Variants in TTN observed in about 807,000 individuals in gnomAD.
The protein encoded by TTN is connectin.
A neutral mutation model predicts 3,223.0 loss-of-function variants in TTN; 1,525 were observed. The observed-to-expected ratio is 0.47, with a 90% confidence interval of 0.45 to 0.49. TTN has a LOEUF of 0.49. TTN is among the 20% of genes least tolerant of loss of function. The probability of loss-of-function intolerance (pLI) is 0.00; values close to 1 mark genes in which losing one functional copy is unlikely to be tolerated. For missense variants in TTN, 40,786 were observed against 43,424.0 expected (o/e 0.94, Z 5.40); for synonymous variants, 14,094 against 15,161.0 (o/e 0.93, Z 5.17).
At position 178,776,439 on chromosome 2, in the gene TTN, C is replaced by T; in HGVS notation, c.5425G>A (p.Gly1809Arg). ...SLVEESQLPE[G>R]RKGLQRIEEL... Reference sequence around the variant, plus strand: ...TCAATTCTCTGTAAGCCTTTCCTCCCCTCAGGCAATTGGGATTCTTCCACA... The same window carrying T: ...TCAATTCTCTGTAAGCCTTTCCTCCTCTCAGGCAATTGGGATTCTTCCACA... Residue 1809 changes from glycine (G) to arginine (R), a missense_variant, in exon 28 of 363, where the codon GGG (glycine) becomes AGG (arginine). Gly to Arg is a moderately radical substitution (Grantham distance 125). Coordinates refer to ENST00000589042, the MANE Select transcript of TTN (RefSeq NM_001267550.2). The T allele has an allele frequency of 6.2e-7, 1 of 1,609,634 alleles. No individual in the cohort carries two copies. Among genetic ancestry groups the T allele is most frequent in the Non-Finnish European group, 8.5e-7 (1 of 1,179,980 alleles).
Position 178,560,162 on chromosome 2 carries a change from T to G in TTN, c.85970A>C (p.Lys28657Thr), listed in dbSNP as rs1423891310. The change falls in exon 326 of 363, where the codon AAA becomes ACA. Residue 28657 changes from lysine to threonine, a missense_variant. Physicochemically the swap from Lys to Thr is moderately conservative, Grantham distance 78. Transcript: ENST00000589042. ...DPVFLPSPPS[K>T]PKIVDSGKTT... ...CTTGCCTGAGTCCACAATTTTGGGT[T>G]TGGATGGAGGAGATGGTAGGAACAC... 16 of 1,613,632 alleles carry G rather than the reference T, an allele frequency of 9.9e-6. No individual in the cohort carries two copies. Among genetic ancestry groups the G allele is most frequent in the Non-Finnish European group, 1.4e-5 (16 of 1,179,694 alleles).
Position 178,793,403 on chromosome 2 carries a change from C to G in TTN, c.1536+1G>C. On this transcript the variant is annotated splice_donor_variant, in intron 9 of 362. Transcript: ENST00000589042. LOFTEE classifies it high-confidence loss of function. Reference sequence around the variant, plus strand: ...AATTTAAAATACAAACCCATTTTCACCTGCTCATGAGTTACGTGCATCTGC... The same window carrying G: ...AATTTAAAATACAAACCCATTTTCAGCTGCTCATGAGTTACGTGCATCTGC... 1 of 1,614,022 alleles carries G rather than the reference C, an allele frequency of 6.2e-7. No individual in the cohort carries two copies. The highest frequency in any genetic ancestry group is 8.5e-7 in the Non-Finnish European group (1 of 1,179,942).
In TTN at chr2:178,543,959, T is replaced by C; in HGVS notation, c.96185A>G (p.Asp32062Gly). ...GIDLASRAII[D>G]TTESYSLLIV... ...TAGCAATGAGTAGCTCTCAGTGGTG[T>C]CAATAATTGCCCGGCTTGCAAGGTC... The change falls in exon 346 of 363, where the codon GAC (aspartate) becomes GGC (glycine). Residue 32062 changes from aspartate to glycine, a missense_variant. Transcript: ENST00000589042. 6.2e-7 allele frequency: 1 copy of C among 1,613,724 alleles called. No homozygotes were observed. The highest frequency in any genetic ancestry group is 8.5e-7 in the Non-Finnish European group (1 of 1,179,720).
At chr2:178,745,553 T>TA in intron 47 of TTN, 1 of 1,610,636 alleles carries the variant, frequency 6.2e-7, no homozygotes, top group African/African-American at 1.3e-5. Flanking sequence ...AGATCAATGC[T>TA]AATAATTACT....
chr2:178,723,791 A>C, intron 73 of TTN, 65 bp downstream of exon 73: 1 of 1,538,402 alleles, frequency 6.5e-7, no homozygotes, highest in Non-Finnish European at 8.7e-7. Flanking sequence ...AATGTTTGTC[A>C]ACATAGATGT....
chr2:178,641,847 C>T (rs778995733), intron 219 of TTN, among the ~76,000 whole-genome samples: 9 of 151,642 alleles, frequency 5.9e-5, no homozygotes, highest in Admixed American at 5.3e-4. Context: ...TTGTGGTGAT[C>T]CTGTGTCACA....
Position 178,562,541 on chromosome 2 carries a change from G to A in TTN, c.83591C>T (p.Pro27864Leu), listed in dbSNP as rs1205644458. 2 of 1,610,212 alleles carry A rather than the reference G, an allele frequency of 1.2e-6. No individual in the cohort carries two copies. The highest frequency in any genetic ancestry group is 1.7e-6 in the Non-Finnish European group (2 of 1,178,610). ...TTEPVKVSEPPLPPGRVTLVD... is the reference protein window; with the variant it reads ...TTEPVKVSEPLLPPGRVTLVD... ...AAGAGTTACTCTTCCAGGTGGGAGGGGTGGTTCAGACACTTTAACGGGTTC... is the reference window on the plus strand; with the variant it reads ...AAGAGTTACTCTTCCAGGTGGGAGGAGTGGTTCAGACACTTTAACGGGTTC... Residue 27864 changes from proline (P) to leucine (L), a missense_variant, in exon 326 of 363, where the codon CCC becomes CTC. Physicochemically the swap from Pro to Leu is moderately conservative, Grantham distance 98. Coordinates refer to ENST00000589042, the MANE Select transcript of TTN (RefSeq NM_001267550.2).
chr2:178,701,684 A>T, intron 109 of TTN, 97 bp from the exon 110 acceptor site: 6 of 1,187,226 alleles, frequency 5.1e-6, no homozygotes, highest in Non-Finnish European at 7.4e-6. Flanking sequence ...GAGATATGTC[A>T]GGCATATCTA....
In TTN at chr2:178,585,329, A is replaced by G. The variant is rs372682546; in HGVS notation, c.64415T>C (p.Met21472Thr). The G allele has an allele frequency of 2.5e-6, 4 of 1,592,100 alleles. No homozygotes were observed. The highest frequency in any genetic ancestry group is 2.7e-5 in the African/African-American group (2 of 73,566). The change falls in exon 309 of 363, where the codon ATG (methionine) becomes ACG (threonine). Residue 21472 changes from methionine to threonine, a missense_variant. Physicochemically the swap from Met to Thr is moderately conservative, Grantham distance 81. Transcript: ENST00000589042. ...KEQLLPPKIL[M>T]PEQITIKAGK... ...AGCTTTGATAGTTATTTGCTCTGGC[A>G]TAAGGATCTTTGGTGGCACTGAAAG...
intron 159 of TTN, 68 bp from the exon 160 acceptor site, chr2:178,667,789 A>G: frequency 9.3e-7 from 1 of 1,078,396 alleles, no homozygotes; most frequent in Non-Finnish European, 1.3e-6. Context: ...ATTAAGAAAA[A>G]TATAATATAT....
chr2:178,769,556 G>A (rs2091134602), intron 37 of TTN, 123 bp downstream of exon 37: 3 of 822,570 alleles, frequency 3.6e-6, no homozygotes, highest in Admixed American at 3.3e-5. Flanking sequence ...GAGCCACCCT[G>A]CCCACCCAAT....
Position 178,718,990 on chromosome 2 carries a change from G to T in TTN, c.24227-17C>A. 1 of 1,566,952 alleles carries T rather than the reference G, an allele frequency of 6.4e-7. No homozygotes were observed. ...ATGGTGGTTCTAGATATTGCAAGGC[G>T]GAAGGGGAGATAAAGAGAAGAAAGA... On this transcript the variant is annotated splice_polypyrimidine_tract_variant and intron_variant, in intron 83 of 362. Transcript: ENST00000589042.
chr2:178,546,192 A>G lies in TTN; in HGVS notation c.95119+20T>C. On this transcript the variant is annotated intron_variant, in intron 342 of 362. Transcript: ENST00000589042. ...CACTGGAAAATGCTATATAAATGTG[A>G]GAACATTTGACATGCTTACCAAGCA... 6.3e-7 allele frequency: 1 copy of G among 1,597,502 alleles called. No homozygotes were observed. Among genetic ancestry groups the G allele is most frequent in the Non-Finnish European group, 8.5e-7 (1 of 1,170,710 alleles).
intron 59 of TTN, 21 bp from the exon 60 acceptor site, chr2:178,731,224 G>C (rs768318111): frequency 6.2e-7 from 1 of 1,611,462 alleles, no homozygotes; most frequent in Non-Finnish European, 8.5e-7. Context: ...CAAAGGGATA[G>C]ATGTGGGTTG....
Position 178,634,719 on chromosome 2 carries a change from A to G in TTN, c.42151+4T>C. On this transcript the variant is annotated splice_donor_region_variant and intron_variant, in intron 229 of 362. Coordinates refer to ENST00000589042, the MANE Select transcript of TTN (RefSeq NM_001267550.2). This position sits in a 1 kb window ranked among gnomAD's most constrained non-coding sequence, Gnocchi z 4.6. ...CCCCTCCCCAAATTCTAAAAGCCCCATACCTTTTACTGTCAAAATGGCAGT... is the reference window on the plus strand; with the variant it reads ...CCCCTCCCCAAATTCTAAAAGCCCCGTACCTTTTACTGTCAAAATGGCAGT... 1 of 1,613,072 alleles carries G rather than the reference A, an allele frequency of 6.2e-7. No homozygotes were observed. The highest frequency in any genetic ancestry group is 8.5e-7 in the Non-Finnish European group (1 of 1,179,384).
At position 178,633,393 on chromosome 2, in the gene TTN, T is replaced by G. The variant is rs774801637; in HGVS notation, c.42946+20A>C. 4 of 1,613,242 alleles carry G rather than the reference T, an allele frequency of 2.5e-6. No individual in the cohort carries two copies. Among genetic ancestry groups the G allele is most frequent in the Non-Finnish European group, 3.4e-6 (4 of 1,179,506 alleles). On this transcript the variant is annotated intron_variant, in intron 232 of 362. Transcript: ENST00000589042. ...CTGCAGATTCAGATAGGGTAAATTTTACATTGTTGAGCAACTCACCCTCAA... is the reference window on the plus strand; with the variant it reads ...CTGCAGATTCAGATAGGGTAAATTTGACATTGTTGAGCAACTCACCCTCAA...
At chr2:178,697,539 C>T (rs2073953477) in intron 112 of TTN, among the ~76,000 whole-genome samples, 1 of 152,096 alleles carries the variant, frequency 6.6e-6, no homozygotes, top group African/African-American at 2.4e-5. Context: ...CAATTATTAA[C>T]TATGAAGTTC....
intron 109 of TTN, 60 bp from the exon 110 acceptor site, chr2:178,701,647 T>C: frequency 1.3e-6 from 2 of 1,526,498 alleles, no homozygotes; most frequent in Non-Finnish European, 1.8e-6. Flanking sequence ...ATTAGAAAAC[T>C]AAGGTGTGTT....
chr2:178,789,248 C>T, intron 13 of TTN, 112 bp downstream of exon 13: 1 of 1,448,768 alleles, frequency 6.9e-7, no homozygotes, highest in Non-Finnish European at 9.6e-7. Context: ...GTGACTCATA[C>T]ATAAGAAATT....
Sources: allele counts gnomAD v4.1 joint callset (sites outside exome capture counted in the v4.1 genomes callset), GRCh38; gene constraint gnomAD v4.1.1; non-coding constraint Gnocchi (gnomAD v3.1); transcripts MANE v1.5; gene names NCBI Gene and HGNC (gene_info 2026-07-23, HGNC 2026-07-21).